FAXDC2: variants seen among roughly 807,000 people sequenced by gnomAD.
The protein encoded by FAXDC2 is fatty acid hydroxylase domain containing 2.
Under a neutral mutation model 40.9 loss-of-function variants are expected in FAXDC2, and 41 were observed. That is an observed-to-expected ratio of 1.00 (90% CI 0.78 to 1.30). The LOEUF is 1.30. Among genes scored for constraint, FAXDC2 ranks in the 50% most tolerant of loss-of-function variants. FAXDC2 has a pLI of 0.00. For synonymous variants in FAXDC2, 157 were observed against 149.3 expected, an observed-to-expected ratio of 1.05 and a Z score of -0.38; for missense variants, 390 against 408.8, an observed-to-expected ratio of 0.95 and a Z score of 0.40.
rs1014864317 is a variant in FAXDC2 at position 154,821,277 on chromosome 5, G to A, written c.828C>T (p.His276=). The change falls in exon 8 of 9, where the codon CAC becomes CAT. Residue 276 remains histidine (H), a synonymous_variant. Coordinates refer to ENST00000326080, the MANE Select transcript of FAXDC2 (RefSeq NM_032385.5). Reference sequence around the variant, plus strand: ...GTCCTTACTTGAGATGGTGGTAGTCGTGGAATTCAGGCGAAGGCAGGAAGG... The same window carrying A: ...GTCCTTACTTGAGATGGTGGTAGTCATGGAATTCAGGCGAAGGCAGGAAGG... The part of the protein sequence containing the change: ...HLPFLPSPEF[H]DYHHLKFNQC... The A allele has an allele frequency of 1.2e-5, 20 of 1,611,854 alleles. No individual in the cohort carries two copies. Among genetic ancestry groups the A allele is most frequent in the Non-Finnish European group, 1.6e-5 (19 of 1,178,968 alleles).
chr5:154,823,661 C>T (rs1182012134), intron 5 of FAXDC2, 69 bp from the exon 6 acceptor site: 17 of 1,290,602 alleles, frequency 1.3e-5, no homozygotes, highest in Non-Finnish European at 1.9e-5. Context: ...GACCTGCTTA[C>T]AGGAGGCCCT....
At chr5:154,821,079 G>A in intron 8 of FAXDC2, 181 bp downstream of exon 8, 1 of 589,360 alleles carries the variant, frequency 1.7e-6, no homozygotes, top group South Asian at 2.3e-5. Context: ...GTTGGAGGAG[G>A]ACCCAATTTC....
intron 2 of FAXDC2, chr5:154,836,295 G>C (rs943856594): frequency 7.2e-5 from 11 of 152,190 alleles, no homozygotes; most frequent in Admixed American, 3.9e-4. Flanking sequence ...GTCAAGGAGA[G>C]ACCACTGGAA....
rs1384500576 is a variant in FAXDC2 at position 154,823,482 on chromosome 5, G to A, written c.477C>T (p.Asp159=). ...FLYPFLKWWR[D]PCRRELPTFH... is the part of the protein sequence containing the mutation. ...AGGTGGGTAGCTCACGGCGGCAGGG[G>A]TCTCTCCACCATTTGAGGAAGGGAT... Residue 159 remains aspartate, a synonymous_variant, in exon 6 of 9, where the codon GAC becomes GAT. Transcript: ENST00000326080. 5.0e-6 allele frequency: 8 copies of A among 1,614,166 alleles called. No homozygotes were observed. The highest frequency in any genetic ancestry group is 6.8e-6 in the Non-Finnish European group (8 of 1,180,014).
intron 2 of FAXDC2, chr5:154,836,344 TCTC>T (rs1315662737): frequency 1.3e-5 from 2 of 152,132 alleles, no homozygotes; most frequent in Non-Finnish European, 2.9e-5. Context: ...TCCAAAAGGT[TCTC>T]CTCTAAACCA....
chr5:154,823,315 C>T lies in FAXDC2; in HGVS notation c.572+72G>A, dbSNP rs760468010. On this transcript the variant is annotated intron_variant, in intron 6 of 8. Coordinates refer to ENST00000326080, the MANE Select transcript of FAXDC2 (RefSeq NM_032385.5). ...AAGCGTGAGTCACTGCACCTGGCCT[C>T]AGTTTCCTTGTTGATCAGTGAGCCC... is the stretch of plus-strand genomic sequence containing the variant. 9.7e-6 allele frequency: 14 copies of T among 1,437,012 alleles called. 1 individual carries two copies. Among genetic ancestry groups the T allele is most frequent in the Middle Eastern group, 2.4e-4 (1 of 4,236 alleles). 89.0% of individuals were successfully genotyped at this position (1,437,012 alleles called of 1,614,324 possible).
chr5:154,842,121 T>G (rs908408188), intron 1 of FAXDC2, among the ~76,000 whole-genome samples: 14 of 152,110 alleles, frequency 9.2e-5, no homozygotes, highest in African/African-American at 3.1e-4. Flanking sequence ...GGTAGTGGTG[T>G]TAGGTACTTT....
At chr5:154,827,042 C>T (rs1039337978) in intron 5 of FAXDC2, among the ~76,000 whole-genome samples, 22 of 152,124 alleles carry the variant, frequency 1.4e-4, no homozygotes, top group Admixed American at 1.3e-3. Flanking sequence ...TGGTGTCTCA[C>T]GCCTTTTATC....
chr5:154,845,989 A>G (rs1279365762), intron 1 of FAXDC2, among the ~76,000 whole-genome samples: 1 of 151,136 alleles, frequency 6.6e-6, no homozygotes, highest in Non-Finnish European at 1.5e-5. Flanking sequence ...TTTTTAGTAG[A>G]GACGGGGTTT....
chr5:154,845,683 C>A (rs1352193448), intron 1 of FAXDC2, among the ~76,000 whole-genome samples: 1 of 149,330 alleles, frequency 6.7e-6, no homozygotes, highest in Non-Finnish European at 1.5e-5. Context: ...CAAAAAAAAA[C>A]AAACTGGAAG....
chr5:154,828,922 CTTT>C (rs374113320), intron 5 of FAXDC2, among the ~76,000 whole-genome samples: 28 of 132,466 alleles, frequency 2.1e-4, no homozygotes, highest in South Asian at 2.4e-4. Flanking sequence ...TTCTTTTTTT[CTTT>C]TTTTTTTTTT....
chr5:154,833,915 G>T (rs1760255520), intron 4 of FAXDC2, among the ~76,000 whole-genome samples: 3 of 151,874 alleles, frequency 2.0e-5, no homozygotes, highest in Non-Finnish European at 4.4e-5. Context: ...TGATCCACCT[G>T]CCTCAGCCTC....
intron 4 of FAXDC2, among the ~76,000 whole-genome samples, chr5:154,833,270 C>G (rs1458480596): frequency 6.6e-6 from 1 of 151,794 alleles, no homozygotes; most frequent in Non-Finnish European, 1.5e-5. Context: ...TTCCTGGCCT[C>G]AAGTGATCTG....
intron 1 of FAXDC2, chr5:154,838,637 C>T (rs576583360): frequency 1.2e-3 from 217 of 187,630 alleles, no homozygotes; most frequent in African/African-American, 4.7e-3. Flanking sequence ...CTCGCTCTGT[C>T]GCCCAGGCTG....
intron 1 of FAXDC2, among the ~76,000 whole-genome samples, chr5:154,841,371 C>G (rs1760471385): frequency 6.6e-6 from 1 of 152,136 alleles, no homozygotes; most frequent in Non-Finnish European, 1.5e-5. Flanking sequence ...GGTTCTGATA[C>G]TGAGTGGGTG....
intron 5 of FAXDC2, among the ~76,000 whole-genome samples, chr5:154,828,217 C>G (rs1374042865): frequency 6.6e-6 from 1 of 152,236 alleles, no homozygotes; most frequent in Non-Finnish European, 1.5e-5. Context: ...TCTCAAACTC[C>G]TGGGCTCAAG....
At chr5:154,838,237 A>G (rs1431597133) in intron 1 of FAXDC2, 59 bp from the exon 2 acceptor site, 28 of 1,542,872 alleles carry the variant, frequency 1.8e-5, no homozygotes, top group Non-Finnish European at 2.0e-5. Flanking sequence ...CTAAGGAAGT[A>G]GGGAGTGGAG....
At chr5:154,848,242 G>C (rs529716133) in intron 1 of FAXDC2, among the ~76,000 whole-genome samples, 2 of 152,126 alleles carry the variant, frequency 1.3e-5, no homozygotes, top group African/African-American at 4.8e-5. Flanking sequence ...TACTCTTAGA[G>C]GGGGGAGAAA....
intron 1 of FAXDC2, among the ~76,000 whole-genome samples, chr5:154,847,679 C>T (rs1257154331): frequency 6.0e-5 from 9 of 149,252 alleles, no homozygotes; most frequent in Non-Finnish European, 1.3e-4. Context: ...TTAGTAGAGA[C>T]GGGGTTTCAC....
Sources: allele counts gnomAD v4.1 joint callset (sites outside exome capture counted in the v4.1 genomes callset), GRCh38; gene constraint gnomAD v4.1.1; transcripts MANE v1.5; gene names NCBI Gene and HGNC (gene_info 2026-07-23, HGNC 2026-07-21).